The following OR1L8 variants were observed in gnomAD, a reference collection of about 807,000 sequenced individuals.
OR1L8 encodes olfactory receptor 1L8.
For synonymous variants in OR1L8, 148 were observed against 147.0 expected (o/e 1.01, Z -0.05); for missense variants, 330 against 377.4 (o/e 0.87, Z 1.04).
intron 1 of OR1L8, among the ~76,000 whole-genome samples, chr9:122,579,092 A>G (rs1169193747): frequency 6.6e-6 from 1 of 152,156 alleles, no homozygotes; most frequent in Non-Finnish European, 1.5e-5. Context: ...TGCCAAGAAT[A>G]TATGTACAAG....
downstream of OR1L8, among the ~76,000 whole-genome samples, chr9:122,563,760 T>C (rs1254431190): frequency 6.6e-6 from 1 of 152,242 alleles, no homozygotes; most frequent in Non-Finnish European, 1.5e-5. Flanking sequence ...TACAGTCAAG[T>C]TGTTAATTTC....
chr9:122,574,924 T>C (rs1318916922), intron 3 of OR1L8, among the ~76,000 whole-genome samples: 1 of 152,120 alleles, frequency 6.6e-6, no homozygotes, highest in African/African-American at 2.4e-5. Context: ...TTGGAGTTTG[T>C]CAAATGATTT....
At position 122,567,197 on chromosome 9, in the gene OR1L8, A is replaced by C; in HGVS notation, c.*351T>G. The C allele has an allele frequency of 5.7e-6, 1 of 176,348 alleles. No homozygotes were observed. The highest frequency in any genetic ancestry group is 1.6e-4 in the East Asian group (1 of 6,408). The allele number at this position is 176,348 out of a possible 1,614,324, so 10.9% of individuals were successfully genotyped here. ...TACAAATTACACATTTTTCAGCAATATATTGAAATGTGAAGAATTTTGGAG... is the reference window on the plus strand; with the variant it reads ...TACAAATTACACATTTTTCAGCAATCTATTGAAATGTGAAGAATTTTGGAG... On this transcript the variant is annotated 3_prime_UTR_variant, in exon 5 of 5. Coordinates refer to ENST00000641027, the MANE Select transcript of OR1L8 (RefSeq NM_001004454.2).
chr9:122,549,355 C>T, the OR1L8 span, among the ~76,000 whole-genome samples: 1 of 152,188 alleles, frequency 6.6e-6, no homozygotes, highest in Non-Finnish European at 1.5e-5. Context: ...GTACAGCCTG[C>T]AGAACCATGG....
the OR1L8 span, among the ~76,000 whole-genome samples, chr9:122,548,345 T>C: frequency 5.9e-5 from 9 of 152,164 alleles, no homozygotes; most frequent in Non-Finnish European, 2.9e-5. Context: ...TAATCTCAAG[T>C]TCTGTCCTTG....
chr9:122,574,385 TA>T (rs1829604704), intron 3 of OR1L8, among the ~76,000 whole-genome samples: 1 of 152,196 alleles, frequency 6.6e-6, no homozygotes, highest in Admixed American at 6.5e-5. Context: ...GGTTTTGTGG[TA>T]ACCCTTGTGT....
rs149595522 is a variant in OR1L8, at chr9:122,568,375, C to G, written c.103G>C (p.Val35Leu). 2 of 1,613,732 alleles carry G rather than the reference C, an allele frequency of 1.2e-6. No individual in the cohort carries two copies. Among genetic ancestry groups the G allele is most frequent in the Non-Finnish European group, 1.7e-6 (2 of 1,179,716 alleles). The change falls in exon 5 of 5, where the codon GTG becomes CTG. Residue 35 changes from valine (V) to leucine (L), a missense_variant. Transcript: ENST00000641027. The part of the protein sequence containing the change: ...QKTLFVLFLI[V>L]YLVTITGNLL... ...TTCCCTGTTATGGTGACCAGGTACA[C>G]GATGAGGAAGAGAACAAAGAGTGTC...
In OR1L8 at chr9:122,568,152, C is replaced by T. The variant is rs1428885365; in HGVS notation, c.326G>A (p.Gly109Asp). Reference sequence around the variant, plus strand: ...TGCCAGAAGGCAGCTGTCACTGTTGCCCAAGGCATAGAGAAAATACATCTG... The same window carrying T: ...TGCCAGAAGGCAGCTGTCACTGTTGTCCAAGGCATAGAGAAAATACATCTG... ...LTQMYFLYAL[G>D]NSDSCLLAVM... The change falls in exon 5 of 5, where the codon GGC becomes GAC. Residue 109 changes from glycine (G) to aspartate (D), a missense_variant. Transcript: ENST00000641027. The T allele has an allele frequency of 6.2e-7, 1 of 1,614,122 alleles. No homozygotes were observed.
chr9:122,557,719 C>A, the OR1L8 span, among the ~76,000 whole-genome samples: 1 of 152,052 alleles, frequency 6.6e-6, no homozygotes, highest in Non-Finnish European at 1.5e-5. Flanking sequence ...TTGCTGGCCT[C>A]ATAGAATGAG....
the OR1L8 span, among the ~76,000 whole-genome samples, chr9:122,556,046 A>G: frequency 6.6e-6 from 1 of 152,126 alleles, no homozygotes; most frequent in South Asian, 2.1e-4. Flanking sequence ...CTCTCCCCAT[A>G]ACCCTGTGGT....
At chr9:122,557,765 G>A in the OR1L8 span, among the ~76,000 whole-genome samples, 2 of 151,994 alleles carry the variant, frequency 1.3e-5, no homozygotes, top group Admixed American at 1.3e-4. Flanking sequence ...CCATCTTCTA[G>A]AAGAGATTGC....
At chr9:122,563,434 T>C (rs1000246798), downstream of OR1L8, among the ~76,000 whole-genome samples, 1 of 152,220 alleles carries the variant, frequency 6.6e-6, no homozygotes, top group African/African-American at 2.4e-5. Flanking sequence ...TTTAGGTCTT[T>C]TCTCCATTTT....
At chr9:122,559,928 G>T in the OR1L8 span, among the ~76,000 whole-genome samples, 1 of 152,266 alleles carries the variant, frequency 6.6e-6, no homozygotes, top group East Asian at 1.9e-4. Context: ...TGACAGTGGG[G>T]TGTTAAAGTC....
At chr9:122,554,170 T>A in the OR1L8 span, 7 of 1,599,766 alleles carry the variant, frequency 4.4e-6, no homozygotes, top group Non-Finnish European at 6.0e-6. Context: ...TGATTAGACA[T>A]CTAGACGGTG....
intron 3 of OR1L8, among the ~76,000 whole-genome samples, chr9:122,574,323 C>A (rs369414767): frequency 6.6e-6 from 1 of 152,044 alleles, no homozygotes; most frequent in African/African-American, 2.4e-5. Context: ...AATATTGAGC[C>A]TTCTTATTCA....
intron 1 of OR1L8, 135 bp downstream of exon 1, chr9:122,583,186 C>T (rs896968557): frequency 6.6e-6 from 1 of 151,942 alleles, no homozygotes; most frequent in African/African-American, 2.4e-5. Flanking sequence ...CGCCCCTATT[C>T]ACTCTAGTCT....
rs989832905 is a variant in OR1L8 at position 122,583,023 on chromosome 9, ATTATT to A, written c.-600+293_-600+297del. Among the ~76,000 whole-genome samples the A allele has an allele frequency of 3.5e-4, 54 of 152,144 alleles. No individual in the cohort carries two copies. In the South Asian group the frequency reaches 4.1e-3, roughly 12 times the overall value. Reference sequence around the variant, plus strand: ...TAAGGAAATGGGATTATTTTATTATATTATTTTAACATAATATAATCAGAGACTCA... The same window carrying A: ...TAAGGAAATGGGATTATTTTATTATATTAACATAATATAATCAGAGACTCA... On this transcript the variant is annotated intron_variant, in intron 1 of 4. Coordinates refer to ENST00000641027, the MANE Select transcript of OR1L8 (RefSeq NM_001004454.2).
chr9:122,566,613 A>C (rs997167232), downstream of OR1L8, among the ~76,000 whole-genome samples: 11 of 152,182 alleles, frequency 7.2e-5, no homozygotes, highest in Admixed American at 2.0e-4. Flanking sequence ...TTCCCTATTG[A>C]AAAGGTTTTA....
downstream of OR1L8, among the ~76,000 whole-genome samples, chr9:122,566,837 G>T (rs1328553994): frequency 6.6e-6 from 1 of 152,152 alleles, no homozygotes; most frequent in African/African-American, 2.4e-5. Flanking sequence ...TTATGGGAAG[G>T]TGAACCAGAA....
Sources: gnomAD v4.1 joint callset for allele counts (sites outside exome capture counted in the v4.1 genomes callset) on GRCh38, gnomAD v4.1.1 for gene constraint, MANE v1.5 for transcripts, NCBI Gene and HGNC (gene_info 2026-07-23, HGNC 2026-07-21) for gene names.